VPS13B: variants seen among roughly 807,000 people sequenced by gnomAD.
The protein encoded by VPS13B is intermembrane lipid transfer protein VPS13B.
VPS13B carries 285 observed loss-of-function variants against 426.4 expected under a neutral mutation model. That is an observed-to-expected ratio of 0.67 (90% confidence interval 0.61 to 0.74). The LOEUF is 0.74. Ranked by LOEUF, VPS13B falls within the 30% of genes least tolerant of loss-of-function variation. VPS13B has a pLI of 0.00. For synonymous variants in VPS13B, 1,676 were observed against 1,676.4 expected (o/e 1.00, Z 0.01); for missense variants, 4,537 against 4,782.6 (o/e 0.95, Z 1.51).
intron 11 of VPS13B, 96 bp downstream of exon 11, chr8:99,135,829 C>T: frequency 6.7e-7 from 1 of 1,501,022 alleles, no homozygotes; most frequent in Admixed American, 1.7e-5. Flanking sequence ...TCAAATAATG[C>T]CTTCTGAATG....
intron 2 of VPS13B, among the ~76,000 whole-genome samples, chr8:99,029,814 A>AC (rs1339773833): frequency 3.9e-4 from 54 of 137,818 alleles, no homozygotes; most frequent in Middle Eastern, 3.7e-3. Flanking sequence ...GGAGACGGAG[A>AC]GGGAGAGGGA....
intron 23 of VPS13B, among the ~76,000 whole-genome samples, chr8:99,454,828 G>A (rs1236132410): frequency 2.6e-5 from 4 of 152,084 alleles, no homozygotes; most frequent in Middle Eastern, 3.2e-3. Flanking sequence ...ATTCTGATAG[G>A]TATGTAGTGG....
chr8:99,511,338 G>A lies in VPS13B; in HGVS notation c.4459G>A (p.Ala1487Thr). 6.2e-7 allele frequency: 1 copy of A among 1,613,916 alleles called. No individual in the cohort carries two copies. The highest frequency in any genetic ancestry group is 8.5e-7 in the Non-Finnish European group (1 of 1,179,990). Residue 1487 changes from alanine to threonine, a missense_variant, in exon 29 of 62, where the codon GCA (alanine) becomes ACA (threonine). Ala to Thr is a moderately conservative substitution (Grantham distance 58, BLOSUM62 0). Transcript: ENST00000357162. Reference sequence around the variant, plus strand: ...TTATTTTCCTTTACTTAATGCCATTGCAAGTATATTTCAAGCAAAACTACC... The same window carrying A: ...TTATTTTCCTTTACTTAATGCCATTACAAGTATATTTCAAGCAAAACTACC... ...VLYFPLLNAI[A>T]SIFQAKLPKT...
chr8:99,065,082 C>G (rs573622961), intron 3 of VPS13B, among the ~76,000 whole-genome samples: 3 of 152,184 alleles, frequency 2.0e-5, no homozygotes, highest in African/African-American at 4.8e-5. Flanking sequence ...ACCACCAGGC[C>G]TGCCCTAAAA....
chr8:99,721,199 CAT>C, intron 39 of VPS13B, 152 bp downstream of exon 39: 1 of 794,696 alleles, frequency 1.3e-6, no homozygotes, highest in Non-Finnish European at 2.0e-6. Flanking sequence ...TATCCACACA[CAT>C]ATATAATGGG....
At chr8:99,647,468 G>A (rs1336824484) in intron 34 of VPS13B, among the ~76,000 whole-genome samples, 2 of 151,488 alleles carry the variant, frequency 1.3e-5, no homozygotes, top group African/African-American at 4.9e-5. Flanking sequence ...GGCTGAGGCG[G>A]AAGAATCACT....
intron 40 of VPS13B, among the ~76,000 whole-genome samples, chr8:99,771,682 T>A (rs1811497783): frequency 6.6e-6 from 1 of 152,238 alleles, no homozygotes; most frequent in African/African-American, 2.4e-5. Context: ...CTTTTCTCTC[T>A]GCTGGTTGAA....
chr8:99,246,768 A>C (rs936652924), intron 17 of VPS13B, among the ~76,000 whole-genome samples: 3 of 151,876 alleles, frequency 2.0e-5, no homozygotes, highest in Non-Finnish European at 2.9e-5. Flanking sequence ...CAGGAAGCTG[A>C]GGCAGGAGAA....
chr8:99,707,077 G>A (rs1832526091), intron 36 of VPS13B, among the ~76,000 whole-genome samples: 1 of 152,128 alleles, frequency 6.6e-6, no homozygotes, highest in South Asian at 2.1e-4. Flanking sequence ...ACATACTGGG[G>A]CTGAGCAAGG....
chr8:99,265,541 A>G (rs1373991155), intron 17 of VPS13B, among the ~76,000 whole-genome samples: 3 of 152,076 alleles, frequency 2.0e-5, no homozygotes, highest in African/African-American at 7.2e-5. Context: ...TCCTTAGTTG[A>G]GAGTCCTCCT....
At chr8:99,328,815 G>C (rs1810412240) in intron 19 of VPS13B, among the ~76,000 whole-genome samples, 1 of 152,090 alleles carries the variant, frequency 6.6e-6, no homozygotes, top group Non-Finnish European at 1.5e-5. Context: ...CATCCCTGCA[G>C]TAGAAGAAGA....
chr8:99,031,269 G>T (rs1004269365), intron 2 of VPS13B, among the ~76,000 whole-genome samples: 5 of 151,946 alleles, frequency 3.3e-5, no homozygotes, highest in Non-Finnish European at 5.9e-5. Context: ...ATATCTGTTC[G>T]TTGAATTTCT....
chr8:99,666,997 A>G (rs1830513970), intron 35 of VPS13B, among the ~76,000 whole-genome samples: 1 of 152,164 alleles, frequency 6.6e-6, no homozygotes, highest in African/African-American at 2.4e-5. Flanking sequence ...AATTAAATAT[A>G]TATAATTTCT....
intron 25 of VPS13B, among the ~76,000 whole-genome samples, chr8:99,489,313 A>G (rs1588431216): frequency 6.7e-6 from 1 of 149,638 alleles, no homozygotes; most frequent in Admixed American, 6.7e-5. Context: ...GAAGTCAGGT[A>G]GCGTGATGCC....
intron 33 of VPS13B, among the ~76,000 whole-genome samples, chr8:99,589,067 T>C (rs1006564131): frequency 1.3e-5 from 2 of 151,990 alleles, no homozygotes; most frequent in East Asian, 1.9e-4. Context: ...ATGTGGTTTT[T>C]GTCATTGGTT....
chr8:99,333,173 T>C (rs971740855), intron 19 of VPS13B, among the ~76,000 whole-genome samples: 1 of 151,770 alleles, frequency 6.6e-6, no homozygotes, highest in African/African-American at 2.4e-5. Flanking sequence ...AATGTAACAT[T>C]ATTCTTAAAT....
At chr8:99,251,022 A>G (rs1010401679) in intron 17 of VPS13B, among the ~76,000 whole-genome samples, 29 of 152,152 alleles carry the variant, frequency 1.9e-4, no homozygotes, top group Admixed American at 6.5e-5. Context: ...TTATAAAACT[A>G]AGCTCACCTA....
At chr8:99,652,380 G>A (rs1829853441) in intron 34 of VPS13B, among the ~76,000 whole-genome samples, 2 of 152,110 alleles carry the variant, frequency 1.3e-5, no homozygotes, top group South Asian at 4.1e-4. Context: ...TTAGCTAAGT[G>A]TATGGCACAA....
chr8:99,283,702 T>C (rs1243117104), intron 19 of VPS13B, among the ~76,000 whole-genome samples: 5 of 152,112 alleles, frequency 3.3e-5, no homozygotes, highest in South Asian at 4.1e-4. Context: ...CTTTGGGATT[T>C]CAAAATGTTA....
Sources: gnomAD v4.1 joint callset for allele counts (sites outside exome capture counted in the v4.1 genomes callset) on GRCh38, gnomAD v4.1.1 for gene constraint, MANE v1.5 for transcripts, NCBI Gene and HGNC (gene_info 2026-07-23, HGNC 2026-07-21) for gene names.